RANBP9: variants seen among roughly 807,000 people sequenced by gnomAD.
The protein encoded by RANBP9 is ran-binding protein 9.
Under a neutral mutation model 84.3 loss-of-function variants are expected in RANBP9, and 15 were observed. The ratio of observed to expected loss-of-function variants is 0.18; its 90% CI spans 0.12 to 0.27. RANBP9 has a LOEUF of 0.27. Among genes scored for constraint, RANBP9 ranks in the 10% least tolerant of loss-of-function variants. The pLI, the probability that RANBP9 is intolerant of heterozygous loss-of-function variation, is 1.00. For missense variants in RANBP9, 809 were observed against 912.8 expected (o/e 0.89, Z 1.46); for synonymous variants, 392 against 349.6 (o/e 1.12, Z -1.35).
rs373657471 is a variant in RANBP9 at position 13,710,926 on chromosome 6, G to A, written c.571+9C>T. 40 of 1,597,962 alleles carry A rather than the reference G, an allele frequency of 2.5e-5. No individual in the cohort carries two copies. The South Asian group carries it at 3.1e-4, about 13-fold the overall frequency. ...GCCCCACTCCCACCGCAGGACACACGCCCAGTACCTTTGTAGTGCACCCGC... is the reference window on the plus strand; with the variant it reads ...GCCCCACTCCCACCGCAGGACACACACCCAGTACCTTTGTAGTGCACCCGC... On this transcript the variant is annotated intron_variant, in intron 1 of 13. Transcript: ENST00000011619.
intron 12 of RANBP9, among the ~76,000 whole-genome samples, chr6:13,628,842 G>T (rs1434311885): frequency 6.6e-6 from 1 of 152,188 alleles, no homozygotes; most frequent in East Asian, 1.9e-4. Context: ...TAATGTAGTA[G>T]TGCCATTGGT....
chr6:13,625,023 G>A (rs550290976), intron 13 of RANBP9, among the ~76,000 whole-genome samples: 1 of 152,242 alleles, frequency 6.6e-6, no homozygotes, highest in African/African-American at 2.4e-5. Context: ...GGACCAGCTA[G>A]GAATCCTGCC....
At chr6:13,670,801 GAA>G (rs796204005) in intron 2 of RANBP9, among the ~76,000 whole-genome samples, 55 of 56,766 alleles carry the variant, frequency 9.7e-4, no homozygotes, top group African/African-American at 3.0e-3. Flanking sequence ...TTCCATCTTA[GAA>G]AAAAAAAAAA....
chr6:13,667,762 A>G (rs930871015), intron 2 of RANBP9, among the ~76,000 whole-genome samples: 23 of 152,206 alleles, frequency 1.5e-4, no homozygotes, highest in Non-Finnish European at 4.4e-5. Flanking sequence ...GCCATGTGGT[A>G]TGGTCTATAC....
intron 5 of RANBP9, among the ~76,000 whole-genome samples, chr6:13,651,377 G>A (rs551012378): frequency 1.4e-4 from 20 of 139,010 alleles, no homozygotes; most frequent in Middle Eastern, 3.5e-3. Flanking sequence ...ATAGTTTTTT[G>A]TTGTTGTTGT....
chr6:13,656,487 T>C (rs1269858634), intron 4 of RANBP9, among the ~76,000 whole-genome samples: 1 of 152,220 alleles, frequency 6.6e-6, no homozygotes, highest in African/African-American at 2.4e-5. Flanking sequence ...AATAGTCCAC[T>C]GAAAATCTTA....
intron 5 of RANBP9, among the ~76,000 whole-genome samples, chr6:13,648,340 G>C (rs555792998): frequency 1.3e-5 from 2 of 151,764 alleles, no homozygotes; most frequent in Non-Finnish European, 2.9e-5. Context: ...TAGAGACGGG[G>C]TTTCACCATG....
At chr6:13,628,488 C>G (rs1446647990) in intron 12 of RANBP9, among the ~76,000 whole-genome samples, 1 of 152,064 alleles carries the variant, frequency 6.6e-6, no homozygotes, top group African/African-American at 2.4e-5. Context: ...TCAAGTTTTT[C>G]CAATAAGGAA....
chr6:13,694,771 C>T (rs1057299109), intron 2 of RANBP9, among the ~76,000 whole-genome samples: 14 of 152,184 alleles, frequency 9.2e-5, no homozygotes, highest in African/African-American at 2.9e-4. Context: ...CTTTGTCTAG[C>T]ATATCAACGC....
intron 1 of RANBP9, among the ~76,000 whole-genome samples, chr6:13,699,162 T>G (rs1757910053): frequency 6.6e-6 from 1 of 152,048 alleles, no homozygotes; most frequent in South Asian, 2.1e-4. Context: ...CAGCCCCAAA[T>G]TGGTAGAAAC....
chr6:13,705,660 G>A (rs1758090803), intron 1 of RANBP9, among the ~76,000 whole-genome samples: 1 of 150,772 alleles, frequency 6.6e-6, no homozygotes, highest in Non-Finnish European at 1.5e-5. Context: ...AGGAGATCAA[G>A]ACCATCCTGA....
rs1764979022 is a variant in RANBP9 at position 13,637,887 on chromosome 6, G to A, written c.1594C>T (p.His532Tyr). ...AHQSYCHSNK[H>Y]QSSNLNVPEL... ...GGTACATTCAAGTTGGATGACTGGTGTTTATTACTATGGCAATATGATTGA... is the reference window on the plus strand; with the variant it reads ...GGTACATTCAAGTTGGATGACTGGTATTTATTACTATGGCAATATGATTGA... The change falls in exon 10 of 14, where the codon CAC (histidine) becomes TAC (tyrosine). Residue 532 changes from histidine to tyrosine, a missense_variant. Transcript: ENST00000011619. The A allele has an allele frequency of 1.2e-6, 2 of 1,608,598 alleles. No individual in the cohort carries two copies. The highest frequency in any genetic ancestry group is 1.7e-6 in the Non-Finnish European group (2 of 1,175,472).
intron 2 of RANBP9, among the ~76,000 whole-genome samples, chr6:13,678,823 A>C (rs1765958781): frequency 6.6e-6 from 1 of 152,114 alleles, no homozygotes; most frequent in Non-Finnish European, 1.5e-5. Context: ...TTATTCTCAT[A>C]TCCCCCTGCA....
intron 5 of RANBP9, among the ~76,000 whole-genome samples, chr6:13,652,305 T>TAGTA (rs1293429224): frequency 1.3e-5 from 2 of 152,246 alleles, no homozygotes; most frequent in East Asian, 3.8e-4. Flanking sequence ...ACCTGCCACA[T>TAGTA]AGTAGGCCTC....
chr6:13,710,141 G>A (rs1275960812), intron 1 of RANBP9, among the ~76,000 whole-genome samples: 1 of 152,174 alleles, frequency 6.6e-6, no homozygotes, highest in African/African-American at 2.4e-5. Flanking sequence ...GGGAGGAAAG[G>A]GGCAAGCACA....
chr6:13,702,121 G>A (rs988135969), intron 1 of RANBP9, among the ~76,000 whole-genome samples: 3 of 152,202 alleles, frequency 2.0e-5, no homozygotes, highest in African/African-American at 7.2e-5. Context: ...ATGTACCAGA[G>A]TTGGTGGTAT....
intron 1 of RANBP9, among the ~76,000 whole-genome samples, chr6:13,701,047 C>G (rs148041517): frequency 1.6e-4 from 24 of 152,190 alleles, no homozygotes; most frequent in Non-Finnish European, 1.5e-5. Context: ...AAAGCCTTCA[C>G]GTCTATACTT....
intron 1 of RANBP9, among the ~76,000 whole-genome samples, chr6:13,701,020 T>C (rs777888064): frequency 2.2e-4 from 33 of 152,192 alleles, no homozygotes; most frequent in Non-Finnish European, 4.7e-4. Context: ...CACACCATCC[T>C]GTTCTATCCC....
chr6:13,688,009 C>T (rs553494372), intron 2 of RANBP9, among the ~76,000 whole-genome samples: 1 of 152,198 alleles, frequency 6.6e-6, no homozygotes, highest in Non-Finnish European at 1.5e-5. Context: ...CAAGAAGACA[C>T]GAGTTTGCTG....
Sources: gnomAD v4.1 joint callset for allele counts (sites outside exome capture counted in the v4.1 genomes callset) on GRCh38, gnomAD v4.1.1 for gene constraint, MANE v1.5 for transcripts, NCBI Gene and HGNC (gene_info 2026-07-23, HGNC 2026-07-21) for gene names.